PPP2R2B: variants seen among roughly 807,000 people sequenced by gnomAD.
PPP2R2B encodes the protein protein phosphatase 2 regulatory subunit Bbeta.
A neutral mutation model predicts 46.0 loss-of-function variants in PPP2R2B; 5 were observed. That is an observed-to-expected ratio of 0.11 (90% CI 0.06 to 0.23). The LOEUF (loss-of-function observed/expected upper bound fraction) is 0.23. Among genes scored for constraint, PPP2R2B ranks in the 10% least tolerant of loss-of-function variants. The probability of loss-of-function intolerance (pLI) is 1.00; values close to 1 mark genes in which losing one functional copy is unlikely to be tolerated. For synonymous variants in PPP2R2B, 215 were observed against 206.7 expected, an observed-to-expected ratio of 1.04 and a Z score of -0.34; for missense variants, 367 against 575.0, an observed-to-expected ratio of 0.64 and a Z score of 3.70.
intron 1 of PPP2R2B, among the ~76,000 whole-genome samples, chr5:146,965,760 TG>T (rs774683420): frequency 1.1e-4 from 17 of 152,218 alleles, no homozygotes; most frequent in Non-Finnish European, 1.9e-4. Context: ...GCACTTATCT[TG>T]ATAATAATTC....
intron 2 of PPP2R2B, among the ~76,000 whole-genome samples, chr5:146,735,093 G>A (rs1473842008): frequency 6.6e-6 from 1 of 152,128 alleles, no homozygotes; most frequent in Non-Finnish European, 1.5e-5. Flanking sequence ...TAGGAACCGC[G>A]ATCTTTTTTA....
In PPP2R2B at chr5:146,930,405, C is replaced by A. The variant is rs559501567; in HGVS notation, c.79+125260G>T. ...TTTTTGTAGCTCTAAATAACACTAACCCCTCTGGGTCTTTATTTGTGGGAT... is the reference window on the plus strand; with the variant it reads ...TTTTTGTAGCTCTAAATAACACTAAACCCTCTGGGTCTTTATTTGTGGGAT... On this transcript the variant is annotated intron_variant, in intron 1 of 8. Transcript: ENST00000336640. Among the ~76,000 whole-genome samples the A allele has an allele frequency of 9.1e-4, 138 of 152,244 alleles. 1 individual carries two copies. The highest frequency in any genetic ancestry group is 3.1e-3 in the African/African-American group (130 of 41,552).
intron 1 of PPP2R2B, among the ~76,000 whole-genome samples, chr5:147,039,126 T>C (rs377510314): frequency 7.2e-5 from 11 of 152,190 alleles, no homozygotes; most frequent in African/African-American, 2.7e-4. Context: ...TTCGCATTGC[T>C]GACCCTTTCC....
intron 1 of PPP2R2B, among the ~76,000 whole-genome samples, chr5:147,037,413 T>C (rs1756092864): frequency 6.6e-6 from 1 of 152,176 alleles, no homozygotes; most frequent in Non-Finnish European, 1.5e-5. Context: ...TGTGTGTGTG[T>C]GTGTATGTAC....
intron 5 of PPP2R2B, among the ~76,000 whole-genome samples, chr5:146,673,435 CT>C (rs756489689): frequency 3.3e-5 from 5 of 151,670 alleles, no homozygotes; most frequent in African/African-American, 7.3e-5. Context: ...ATCAACAGAA[CT>C]TTTTTTGGGT....
chr5:146,740,877 C>T (rs1020841028), intron 2 of PPP2R2B, among the ~76,000 whole-genome samples: 1 of 152,052 alleles, frequency 6.6e-6, no homozygotes, highest in African/African-American at 2.4e-5. Flanking sequence ...GGCCATGAAG[C>T]TCACAATCAC....
rs1764115204 is a variant in PPP2R2B, at chr5:146,935,670, G to C, written c.79+119995C>G. 2.0e-5 allele frequency among the ~76,000 whole-genome samples: 3 copies of C among 152,212 alleles called. No individual in the cohort carries two copies. The South Asian group carries it at 6.2e-4, about 32-fold the overall frequency. On this transcript the variant is annotated intron_variant, in intron 1 of 8. Coordinates refer to the PPP2R2B transcript ENST00000336640. ...TGAGCCAGGTAAAGGAGGATTGAAAGTAAAGAGGGCAAGAAAAGAGAAAAA... is the reference window on the plus strand; with the variant it reads ...TGAGCCAGGTAAAGGAGGATTGAAACTAAAGAGGGCAAGAAAAGAGAAAAA...
rs570284844 is a variant in PPP2R2B, at chr5:146,711,182, A to G, written c.71-10040T>C. ...TTCACAAGGAACTTGTTCACCACTA[A>G]ACCCTCAGTGCCTAGCTGAGTCTCT... On this transcript the variant is annotated intron_variant, in intron 2 of 9. Coordinates refer to ENST00000394411, the MANE Select transcript of PPP2R2B (RefSeq NM_181675.4). Among the ~76,000 whole-genome samples, 8 of 152,258 alleles carry G rather than the reference A, an allele frequency of 5.3e-5. No homozygotes were observed. The East Asian group carries it at 1.5e-3, about 29-fold the overall frequency.
intron 2 of PPP2R2B, among the ~76,000 whole-genome samples, chr5:146,751,771 G>A (rs181318972): frequency 6.6e-6 from 1 of 152,282 alleles, no homozygotes; most frequent in East Asian, 1.9e-4. Context: ...ATTGCCCCCA[G>A]AGGGTGGGGG....
At chr5:147,016,345 AGAT>A (rs1338630606) in intron 1 of PPP2R2B, among the ~76,000 whole-genome samples, 2 of 151,402 alleles carry the variant, frequency 1.3e-5, no homozygotes, top group Non-Finnish European at 2.9e-5. Flanking sequence ...AAAAAAAAAA[AGAT>A]GATAGCAGTT....
At chr5:146,674,646 C>T (rs1438282584) in intron 5 of PPP2R2B, among the ~76,000 whole-genome samples, 2 of 152,156 alleles carry the variant, frequency 1.3e-5, no homozygotes, top group East Asian at 1.9e-4. Context: ...TAAAATACAC[C>T]AAGGTGGAAT....
At chr5:146,851,550 G>T (rs1760351618) in intron 2 of PPP2R2B, among the ~76,000 whole-genome samples, 1 of 152,102 alleles carries the variant, frequency 6.6e-6, no homozygotes, top group Non-Finnish European at 1.5e-5. Flanking sequence ...TTGCTTCGTG[G>T]TACCAGGTAG....
At chr5:146,920,768 G>C (rs1202999208) in intron 1 of PPP2R2B, among the ~76,000 whole-genome samples, 1 of 152,166 alleles carries the variant, frequency 6.6e-6, no homozygotes, top group Admixed American at 6.5e-5. Flanking sequence ...TGCTGTGTGT[G>C]TGTGTGTTTG....
chr5:146,968,207 G>A (rs1752520168), intron 1 of PPP2R2B, among the ~76,000 whole-genome samples: 2 of 152,202 alleles, frequency 1.3e-5, no homozygotes, highest in Non-Finnish European at 2.9e-5. Flanking sequence ...TATCAGTTCA[G>A]AGTTTCCACC....
intron 1 of PPP2R2B, among the ~76,000 whole-genome samples, chr5:146,921,472 G>T (rs553819325): frequency 6.6e-6 from 1 of 152,308 alleles, no homozygotes; most frequent in Non-Finnish European, 1.5e-5. Context: ...TAGAGCACAC[G>T]TGCTTATGCA....
chr5:146,778,211 A>T (rs926959309), intron 2 of PPP2R2B, among the ~76,000 whole-genome samples: 7 of 152,144 alleles, frequency 4.6e-5, no homozygotes, highest in Admixed American at 2.0e-4. Context: ...TTTGCTATAA[A>T]TCTCTTGCCT....
intron 6 of PPP2R2B, among the ~76,000 whole-genome samples, chr5:146,647,195 T>C (rs1274380196): frequency 9.8e-5 from 1 of 10,198 alleles, no homozygotes; most frequent in Non-Finnish European, 3.6e-4. Flanking sequence ...TTGTAGGATA[T>C]GATGGTTATG....
At chr5:146,677,425 A>T (rs965617283) in intron 5 of PPP2R2B, among the ~76,000 whole-genome samples, 4 of 150,638 alleles carry the variant, frequency 2.7e-5, no homozygotes, top group Non-Finnish European at 4.4e-5. Flanking sequence ...TGCCGTCACC[A>T]TTTTTTTTTG....
At chr5:146,967,214 C>A (rs1234783342) in intron 1 of PPP2R2B, among the ~76,000 whole-genome samples, 3 of 152,172 alleles carry the variant, frequency 2.0e-5, no homozygotes, top group Non-Finnish European at 4.4e-5. Context: ...GAAACCCAGG[C>A]CTGAGTTTTG....
Sources: allele counts gnomAD v4.1 joint callset (sites outside exome capture counted in the v4.1 genomes callset), GRCh38; gene constraint gnomAD v4.1.1; transcripts MANE v1.5; gene names NCBI Gene and HGNC (gene_info 2026-07-23, HGNC 2026-07-21).